The following CADM1 variants were observed in gnomAD, a reference collection of about 807,000 sequenced individuals.
CADM1 encodes the protein TSLC-1.
Under a neutral mutation model 53.1 loss-of-function variants are expected in CADM1, and 15 were observed. The observed-to-expected ratio is 0.28, with a 90% CI of 0.19 to 0.44. The LOEUF is 0.44. Ranked by LOEUF, CADM1 falls within the 20% of genes least tolerant of loss-of-function variation. The pLI, the probability that CADM1 is intolerant of heterozygous loss-of-function variation, is 1.00. For synonymous variants in CADM1, 281 were observed against 243.0 expected (o/e 1.16, Z -1.45); for missense variants, 434 against 611.3 (o/e 0.71, Z 3.06).
intron 1 of CADM1, among the ~76,000 whole-genome samples, chr11:115,419,206 TAC>T (rs1591210843): frequency 2.6e-5 from 4 of 152,336 alleles, no homozygotes; most frequent in East Asian, 1.9e-4. Context: ...TGTTCACAAT[TAC>T]ACAGTTTTTG....
intron 1 of CADM1, among the ~76,000 whole-genome samples, chr11:115,411,251 T>C (rs1947453383): frequency 6.6e-6 from 1 of 152,178 alleles, no homozygotes; most frequent in African/African-American, 2.4e-5. Context: ...GGGAGATGAA[T>C]GCATGTCTGT....
intron 1 of CADM1, among the ~76,000 whole-genome samples, chr11:115,272,035 C>A (rs1243062139): frequency 6.6e-6 from 1 of 151,702 alleles, no homozygotes; most frequent in Non-Finnish European, 1.5e-5. Flanking sequence ...TCTGGAAGGT[C>A]TTAAATGTTA....
Position 115,284,087 on chromosome 11 carries a change from A to ACTCTCTCTCTCT in CADM1, c.125-43679_125-43668dup, listed in dbSNP as rs141079093. Among the ~76,000 whole-genome samples the ACTCTCTCTCTCT allele has an allele frequency of 8.8e-3, 415 of 47,370 alleles. 8 individuals are homozygous for ACTCTCTCTCTCT. Among genetic ancestry groups the ACTCTCTCTCTCT allele is most frequent in the East Asian group, 0.02 (23 of 1,134 alleles). 31.1% of individuals were successfully genotyped at this position (47,370 alleles called of 152,430 possible). ...AGGGTGAAGATCTACAAGCCCAGAC[A>ACTCTCTCTCTCT]CTCTCTCTCTCTCTCTCTCTCTCTC... On this transcript the variant is annotated intron_variant, in intron 1 of 11. Coordinates refer to ENST00000331581, the MANE Select transcript of CADM1 (RefSeq NM_001301043.2).
chr11:115,208,341 G>T (rs1311441837), intron 8 of CADM1, among the ~76,000 whole-genome samples: 2 of 152,200 alleles, frequency 1.3e-5, no homozygotes, highest in African/African-American at 4.8e-5. Context: ...TAGACAATCT[G>T]TTGTATATTC....
At chr11:115,260,205 C>T (rs1942929738) in intron 1 of CADM1, among the ~76,000 whole-genome samples, 1 of 152,172 alleles carries the variant, frequency 6.6e-6, no homozygotes, top group Non-Finnish European at 1.5e-5. Flanking sequence ...GTTGGGATTA[C>T]AGGCATGAGC....
chr11:115,471,953 GGAA>G (rs1949022041), intron 1 of CADM1, among the ~76,000 whole-genome samples: 1 of 152,136 alleles, frequency 6.6e-6, no homozygotes, highest in Admixed American at 6.5e-5. Flanking sequence ...AATCAAGGGA[GGAA>G]GAAGAGGGCA....
chr11:115,440,520 C>T (rs1948285391), intron 1 of CADM1, among the ~76,000 whole-genome samples: 1 of 152,194 alleles, frequency 6.6e-6, no homozygotes, highest in Non-Finnish European at 1.5e-5. Context: ...AGTCATTAAA[C>T]AAATGCAATA....
chr11:115,382,584 A>G (rs995979190), intron 1 of CADM1, among the ~76,000 whole-genome samples: 4 of 152,326 alleles, frequency 2.6e-5, no homozygotes, highest in African/African-American at 9.6e-5. Context: ...GAGTTGTAAC[A>G]TAAGCTGATT....
intron 1 of CADM1, among the ~76,000 whole-genome samples, chr11:115,329,186 A>G (rs1478259230): frequency 6.6e-6 from 1 of 152,098 alleles, no homozygotes; most frequent in Non-Finnish European, 1.5e-5. Flanking sequence ...AAAAATCTGA[A>G]TATTTTTCAA....
chr11:115,384,582 T>A (rs1946654134), intron 1 of CADM1, among the ~76,000 whole-genome samples: 1 of 152,178 alleles, frequency 6.6e-6, no homozygotes, highest in South Asian at 2.1e-4. Flanking sequence ...CATTTTAAAA[T>A]CAAGTTTGAA....
chr11:115,248,471 C>T (rs755328236), intron 1 of CADM1, among the ~76,000 whole-genome samples: 3 of 152,130 alleles, frequency 2.0e-5, no homozygotes, highest in African/African-American at 7.2e-5. Flanking sequence ...AATGTTTATG[C>T]GGAGTGACAC....
At chr11:115,213,060 A>C (rs977261953) in intron 7 of CADM1, among the ~76,000 whole-genome samples, 15 of 152,264 alleles carry the variant, frequency 9.9e-5, no homozygotes, top group African/African-American at 3.6e-4. Context: ...AAGGATGCAC[A>C]TAACAGACTA....
At chr11:115,281,579 T>A (rs7931895) in intron 1 of CADM1, among the ~76,000 whole-genome samples, 1 of 151,978 alleles carries the variant, frequency 6.6e-6, no homozygotes, top group East Asian at 1.9e-4. Context: ...AATGGCCACC[T>A]CCAGTTTCAT....
At chr11:115,269,560 G>T (rs1943241939) in intron 1 of CADM1, among the ~76,000 whole-genome samples, 1 of 152,100 alleles carries the variant, frequency 6.6e-6, no homozygotes, top group Admixed American at 6.5e-5. Flanking sequence ...CTCTGTGGGG[G>T]CCTCCAAACA....
intron 1 of CADM1, among the ~76,000 whole-genome samples, chr11:115,355,268 A>G (rs1432636484): frequency 6.6e-6 from 1 of 152,214 alleles, no homozygotes; most frequent in African/African-American, 2.4e-5. Flanking sequence ...ACTGTAGAAT[A>G]CTATGCAGCT....
chr11:115,349,335 GCTTTCTTCTTTAT>G (rs1269949677), intron 1 of CADM1, among the ~76,000 whole-genome samples: 1 of 152,106 alleles, frequency 6.6e-6, no homozygotes, highest in East Asian at 1.9e-4. Context: ...CTTCAATAAA[GCTTTCTTCTTTAT>G]TACAGGAAAG....
intron 1 of CADM1, among the ~76,000 whole-genome samples, chr11:115,252,229 T>C (rs1470961062): frequency 1.3e-5 from 2 of 152,198 alleles, no homozygotes; most frequent in Non-Finnish European, 2.9e-5. Flanking sequence ...ATGTTATCTC[T>C]CCAAAAGGAT....
At chr11:115,442,687 A>T (rs1009437726) in intron 1 of CADM1, among the ~76,000 whole-genome samples, 3 of 152,216 alleles carry the variant, frequency 2.0e-5, no homozygotes, top group African/African-American at 7.2e-5. Context: ...GCTGTTTGCC[A>T]AGCTAGACTA....
At chr11:115,231,323 T>C in intron 4 of CADM1, 30 bp downstream of exon 4, 1 of 1,613,284 alleles carries the variant, frequency 6.2e-7, no homozygotes, top group Non-Finnish European at 8.5e-7. Context: ...ATCAGCTAAC[T>C]ACTTCAGTGT....
Sources: allele counts gnomAD v4.1 joint callset (sites outside exome capture counted in the v4.1 genomes callset), GRCh38; gene constraint gnomAD v4.1.1; transcripts MANE v1.5; gene names NCBI Gene and HGNC (gene_info 2026-07-23, HGNC 2026-07-21).